Variants in YWHAG observed in about 807,000 individuals in gnomAD.
The protein encoded by YWHAG is 14-3-3 protein gamma.
In YWHAG, 1 loss-of-function variant was observed where a neutral mutation model predicts 23.3. The ratio of observed to expected loss-of-function variants is 0.04; its 90% CI spans 0.02 to 0.20. The LOEUF (loss-of-function observed/expected upper bound fraction) is 0.20. Ranked by LOEUF, YWHAG falls within the 10% of genes least tolerant of loss-of-function variation. The probability of loss-of-function intolerance (pLI) is 1.00; values close to 1 mark genes in which losing one functional copy is unlikely to be tolerated. For synonymous variants in YWHAG, 160 were observed against 144.0 expected (o/e 1.11, Z -0.80); for missense variants, 151 against 338.6 (o/e 0.45, Z 4.35).
chr7:76,356,632 TTC>T (rs1247624192), intron 1 of YWHAG, among the ~76,000 whole-genome samples: 8 of 152,338 alleles, frequency 5.3e-5, no homozygotes, highest in African/African-American at 7.2e-5. Context: ...TGTTTAAAAT[TTC>T]TTTTATTCCA....
chr7:76,340,398 G>A (rs960947653), intron 1 of YWHAG, among the ~76,000 whole-genome samples: 1 of 152,052 alleles, frequency 6.6e-6, no homozygotes, highest in Admixed American at 6.6e-5. Context: ...GAATTCAATG[G>A]AACTATTTCC....
At chr7:76,354,758 TA>T (rs1386277462) in intron 1 of YWHAG, among the ~76,000 whole-genome samples, 1 of 152,096 alleles carries the variant, frequency 6.6e-6, no homozygotes, top group African/African-American at 2.4e-5. Flanking sequence ...AAATCACTGA[TA>T]ATAAAGCCAG....
At chr7:76,356,236 C>T (rs146036127) in intron 1 of YWHAG, among the ~76,000 whole-genome samples, 1 of 152,164 alleles carries the variant, frequency 6.6e-6, no homozygotes, top group South Asian at 2.1e-4. Context: ...TAGGTAGTTG[C>T]CATTTTGGAA....
rs368553561 is a variant in YWHAG, at chr7:76,358,710, G to T, written c.87+12C>A. On this transcript the variant is annotated intron_variant, in intron 1 of 1. Coordinates refer to ENST00000307630, the MANE Select transcript of YWHAG (RefSeq NM_012479.4). ...GGGCAGGGAGCGGCGGGGGAGGGGA[G>T]GAGACACTCACGTTCTTCATGGCCG... The T allele has an allele frequency of 2.5e-6, 4 of 1,574,670 alleles. No individual in the cohort carries two copies. In the African/African-American group the frequency reaches 4.1e-5, roughly 16 times the overall value.
Position 76,327,681 on chromosome 7 carries a change from TCC to T in YWHAG, c.*1894_*1895del, listed in dbSNP as rs1213979620. ...CCCACCTACCCTGCCCCCCCCCCCC[TCC>T]CCCCCCAAATCGTCTTCCTCCCATG... On this transcript the variant is annotated 3_prime_UTR_variant, in exon 2 of 2. Coordinates refer to ENST00000307630, the MANE Select transcript of YWHAG (RefSeq NM_012479.4). 3.2e-5 allele frequency: 1 copy of T among 30,786 alleles called. No individual in the cohort carries two copies. The allele number at this position is 30,786 out of a possible 1,614,324, so 1.9% of individuals were successfully genotyped here. A position where few individuals can be genotyped will look rare whatever the true frequency, so the allele number is the denominator to read the frequency against.
At chr7:76,346,197 C>G (rs73703146) in intron 1 of YWHAG, among the ~76,000 whole-genome samples, 2 of 152,132 alleles carry the variant, frequency 1.3e-5, no homozygotes, top group African/African-American at 4.8e-5. Flanking sequence ...CCCTGATGAC[C>G]GCTCTTTCCT....
chr7:76,332,444 G>A, intron 1 of YWHAG, among the ~76,000 whole-genome samples: 1 of 152,144 alleles, frequency 6.6e-6, no homozygotes, highest in East Asian at 1.9e-4. Context: ...TCTGGGCTTT[G>A]GTTTTCTTAT....
At position 76,329,581 on chromosome 7, in the gene YWHAG, T is replaced by C; in HGVS notation, c.740A>G (p.Asn247Ser). 3 of 1,601,482 alleles carry C rather than the reference T, an allele frequency of 1.9e-6. No individual in the cohort carries two copies. The highest frequency in any genetic ancestry group is 2.6e-6 in the Non-Finnish European group (3 of 1,171,448). The change falls in exon 2 of 2, where the codon AAT (asparagine) becomes AGT (serine). Residue 247 changes from asparagine to serine, a missense_variant. Coordinates refer to ENST00000307630, the MANE Select transcript of YWHAG (RefSeq NM_012479.4). The surrounding 1 kb of genome is among the most constrained non-coding windows in gnomAD (Gnocchi z 6.1). ...QQDDDGGEGNN is the reference protein window; with the variant it reads ...QQDDDGGEGNS Reference sequence around the variant, plus strand: ...GCTGCCAGTTCCCCTGGGGCCTTAATTGTTGCCTTCGCCGCCATCGTCGTC... The same window carrying C: ...GCTGCCAGTTCCCCTGGGGCCTTAACTGTTGCCTTCGCCGCCATCGTCGTC...
In YWHAG at chr7:76,332,338, A is replaced by G. The variant is rs189622670; in HGVS notation, c.88-2105T>C. Among the ~76,000 whole-genome samples the G allele has an allele frequency of 9.0e-4, 137 of 152,280 alleles. 1 individual carries two copies. The highest frequency in any genetic ancestry group is 3.1e-3 in the African/African-American group (130 of 41,566). ...GTCATCCAGCAGACCGCTGTCACTCATGCTGAATTCTGATGTGTCCACAAA... is the reference window on the plus strand; with the variant it reads ...GTCATCCAGCAGACCGCTGTCACTCGTGCTGAATTCTGATGTGTCCACAAA... On this transcript the variant is annotated intron_variant, in intron 1 of 1. Coordinates refer to ENST00000307630, the MANE Select transcript of YWHAG (RefSeq NM_012479.4).
intron 1 of YWHAG, among the ~76,000 whole-genome samples, chr7:76,353,526 A>G (rs974859875): frequency 2.6e-5 from 4 of 152,180 alleles, no homozygotes; most frequent in African/African-American, 9.7e-5. Flanking sequence ...AATTTTTTAA[A>G]TCAGTTTTCG....
chr7:76,358,639 G>A, intron 1 of YWHAG, 83 bp downstream of exon 1: 1 of 1,366,348 alleles, frequency 7.3e-7, no homozygotes, highest in Non-Finnish European at 9.9e-7. Context: ...TCGCGACAGG[G>A]CGACGAAGCC....
rs564359805 is a variant in YWHAG at position 76,338,180 on chromosome 7, T to A, written c.88-7947A>T. On this transcript the variant is annotated intron_variant, in intron 1 of 1. Coordinates refer to ENST00000307630, the MANE Select transcript of YWHAG (RefSeq NM_012479.4). ...CAACTTATTCACATTGGAGTATCAG[T>A]CACAGAGGTATTCTTAACATAGCAA... Among the ~76,000 whole-genome samples the A allele has an allele frequency of 3.9e-5, 6 of 152,314 alleles. No homozygotes were observed. The East Asian group carries it at 1.2e-3, about 29-fold the overall frequency.
Position 76,327,434 on chromosome 7 carries a change from AAAG to A in YWHAG, c.*2140_*2142del, listed in dbSNP as rs1224722903. The A allele has an allele frequency of 2.0e-5, 3 of 152,566 alleles. No individual in the cohort carries two copies. The highest frequency in any genetic ancestry group is 4.4e-5 in the Non-Finnish European group (3 of 68,016). The allele number at this position is 152,566 out of a possible 1,614,324, so 9.5% of individuals were successfully genotyped here. On this transcript the variant is annotated 3_prime_UTR_variant, in exon 2 of 2. Coordinates refer to ENST00000307630, the MANE Select transcript of YWHAG (RefSeq NM_012479.4). Reference sequence around the variant, plus strand: ...AAGTGCATTTCTTTAAAAATAAAGAAAAGAAAAACCATTCAAGCTGCTTAAATA... The same window carrying A: ...AAGTGCATTTCTTTAAAAATAAAGAAAAAAACCATTCAAGCTGCTTAAATA...
chr7:76,345,647 AT>A, intron 1 of YWHAG, among the ~76,000 whole-genome samples: 1 of 152,024 alleles, frequency 6.6e-6, no homozygotes, highest in Non-Finnish European at 1.5e-5. Flanking sequence ...GAAAGTTAAG[AT>A]TTAAAAAAAT....
At chr7:76,354,007 A>G (rs995534944) in intron 1 of YWHAG, among the ~76,000 whole-genome samples, 1 of 140,002 alleles carries the variant, frequency 7.1e-6, no homozygotes, top group Non-Finnish European at 1.5e-5. Flanking sequence ...TGTGAGGTGG[A>G]GGCTGCAGTG....
chr7:76,329,499 A>AC lies in YWHAG; in HGVS notation c.*77dup. The AC allele has an allele frequency of 2.1e-6, 1 of 478,244 alleles. No homozygotes were observed. Among genetic ancestry groups the AC allele is most frequent in the Non-Finnish European group, 3.6e-6 (1 of 276,748 alleles). 29.6% of individuals were successfully genotyped at this position (478,244 alleles called of 1,614,324 possible). A position where few individuals can be genotyped will look rare whatever the true frequency, so the allele number is the denominator to read the frequency against. ...GGTCATCCCTCCCTTTCCCTCCCCC[A>AC]CCCGACCCCCAACTCATGGGAAAAA... On this transcript the variant is annotated 3_prime_UTR_variant, in exon 2 of 2. Coordinates refer to ENST00000307630, the MANE Select transcript of YWHAG (RefSeq NM_012479.4). This position sits in a 1 kb window ranked among gnomAD's most constrained non-coding sequence, Gnocchi z 6.1.
Position 76,330,204 on chromosome 7 carries a change from A to T in YWHAG, c.117T>A (p.Asn39Lys). 6.2e-7 allele frequency: 1 copy of T among 1,610,684 alleles called. No homozygotes were observed. Among genetic ancestry groups the T allele is most frequent in the Non-Finnish European group, 8.5e-7 (1 of 1,179,102 alleles). ...NVTELNEPLSNEERNLLSVAY... is the reference protein window; with the variant it reads ...NVTELNEPLSKEERNLLSVAY... ...CCACAGACAGAAGGTTTCGTTCCTC[A>T]TTCGACAGTGGCTCATTCAGCTCTG... Residue 39 changes from asparagine (N) to lysine (K), a missense_variant, in exon 2 of 2, where the codon AAT (asparagine) becomes AAA (lysine). Physicochemically the swap from Asn to Lys is moderately conservative, Grantham distance 94 (BLOSUM62 0). Transcript: ENST00000307630.
intron 1 of YWHAG, 148 bp downstream of exon 1, chr7:76,358,574 C>G (rs1804000056): frequency 3.9e-6 from 3 of 761,408 alleles, no homozygotes; most frequent in Non-Finnish European, 5.9e-6. Context: ...CCCGTCGCCT[C>G]TCGGGACCCT....
chr7:76,327,689 C>CCCCCCCCA lies in YWHAG; in HGVS notation c.*1887_*1888insTGGGGGGG, dbSNP rs1803468773. 3 of 110,290 alleles carry CCCCCCCCA rather than the reference C, an allele frequency of 2.7e-5. No homozygotes were observed. Among genetic ancestry groups the CCCCCCCCA allele is most frequent in the African/African-American group, 7.9e-5 (2 of 25,302 alleles). The allele number at this position is 110,290 out of a possible 1,614,324, so 6.8% of individuals were successfully genotyped here. A position where few individuals can be genotyped will look rare whatever the true frequency, so the allele number is the denominator to read the frequency against. On this transcript the variant is annotated 3_prime_UTR_variant, in exon 2 of 2. Transcript: ENST00000307630. ...CCCTGCCCCCCCCCCCCTCCCCCCC[C>CCCCCCCCA]AAATCGTCTTCCTCCCATGGCAATG...
Sources: gnomAD v4.1 joint callset for allele counts (sites outside exome capture counted in the v4.1 genomes callset) on GRCh38, gnomAD v4.1.1 for gene constraint, Gnocchi (gnomAD v3.1) non-coding constraint, MANE v1.5 for transcripts, NCBI Gene and HGNC (gene_info 2026-07-23, HGNC 2026-07-21) for gene names.